Variants in RRP1B observed in about 807,000 individuals in gnomAD.
RRP1B encodes the protein ribosomal RNA processing 1B.
In RRP1B, 56 loss-of-function variants were observed where a neutral mutation model predicts 80.2. The ratio of observed to expected loss-of-function variants is 0.70; its 90% confidence interval spans 0.56 to 0.87. The LOEUF is 0.87. RRP1B is among the 40% of genes least tolerant of loss of function. The pLI is 0.00. For missense variants in RRP1B, 807 were observed against 939.8 expected, an observed-to-expected ratio of 0.86 and a Z score of 1.85; for synonymous variants, 351 against 357.6, an observed-to-expected ratio of 0.98 and a Z score of 0.21.
rs554743884 is a variant in RRP1B, at chr21:43,674,482, G to A, written c.358-154G>A. On this transcript the variant is annotated intron_variant, in intron 4 of 15. Coordinates refer to ENST00000340648, the MANE Select transcript of RRP1B (RefSeq NM_015056.3). Reference sequence around the variant, plus strand: ...ATGAATATGTTTTTTGATCTAGAAGGTAAATATGACTGTTGTGAATATTTT... The same window carrying A: ...ATGAATATGTTTTTTGATCTAGAAGATAAATATGACTGTTGTGAATATTTT... Among the ~76,000 whole-genome samples, 21 of 151,486 alleles carry A rather than the reference G, an allele frequency of 1.4e-4. 1 individual carries two copies. In the South Asian group the frequency reaches 4.4e-3, roughly 32 times the overall value.
chr21:43,663,497 C>T (rs756799046), intron 1 of RRP1B, among the ~76,000 whole-genome samples: 20 of 151,280 alleles, frequency 1.3e-4, no homozygotes, highest in East Asian at 2.0e-4. Flanking sequence ...CCTCATGATC[C>T]GCCCGCCTAG....
rs1209060678 is a variant in RRP1B, at chr21:43,693,224, TC to T, written c.2121del (p.Thr708ArgfsTer19). ...KKTDKSILVS[P>X]TGPSRVAFDP... ...AGACAGACAAGAGTATCTTGGTCAG[TC>T]CCACGGGCCCTTCTCGAGTGGCCTT... On this transcript the variant is annotated frameshift_variant, in exon 16 of 16. Coordinates refer to ENST00000340648, the MANE Select transcript of RRP1B (RefSeq NM_015056.3). LOFTEE classifies it high-confidence loss of function. The surrounding 1 kb of genome is among the most constrained non-coding windows in gnomAD (Gnocchi z 4.1). 9.9e-6 allele frequency: 16 copies of T among 1,613,918 alleles called. No individual in the cohort carries two copies. Among genetic ancestry groups the T allele is most frequent in the Non-Finnish European group, 1.4e-5 (16 of 1,180,026 alleles).
intron 11 of RRP1B, 93 bp from the exon 12 acceptor site, chr21:43,686,711 G>T: frequency 7.0e-7 from 1 of 1,432,322 alleles, no homozygotes; most frequent in South Asian, 1.2e-5. Context: ...CGATGATGAT[G>T]AGGCAGAAAT....
intron 1 of RRP1B, among the ~76,000 whole-genome samples, chr21:43,660,004 A>G (rs1017741101): frequency 3.3e-5 from 5 of 152,220 alleles, no homozygotes; most frequent in African/African-American, 1.2e-4. Context: ...TCCGTTACTT[A>G]TGAAAGTCAC....
chr21:43,665,060 T>G (rs1374648571), intron 1 of RRP1B, among the ~76,000 whole-genome samples: 1 of 152,330 alleles, frequency 6.6e-6, no homozygotes, highest in Admixed American at 6.5e-5. Flanking sequence ...TGTCACTCCG[T>G]CAGAATCTAC....
Position 43,659,734 on chromosome 21 carries a change from C to G in RRP1B, c.70C>G (p.Arg24Gly), listed in dbSNP as rs1272132782. ...GCTGGCGTCCAGCGAGAAGGGCATCCGGGACCGAGCGGTGAAGAAGCTGCG... is the reference window on the plus strand; with the variant it reads ...GCTGGCGTCCAGCGAGAAGGGCATCGGGGACCGAGCGGTGAAGAAGCTGCG... ...QRLASSEKGI[R>G]DRAVKKLRQY... The change falls in exon 1 of 16, where the codon CGG becomes GGG. Residue 24 changes from arginine (R) to glycine (G), a missense_variant. Coordinates refer to ENST00000340648, the MANE Select transcript of RRP1B (RefSeq NM_015056.3). The surrounding 1 kb of genome is among the most constrained non-coding windows in gnomAD (Gnocchi z 4.2). 1 of 1,532,648 alleles carries G rather than the reference C, an allele frequency of 6.5e-7. No homozygotes were observed. The highest frequency in any genetic ancestry group is 8.8e-7 in the Non-Finnish European group (1 of 1,138,412). 94.9% of individuals were successfully genotyped at this position (1,532,648 alleles called of 1,614,324 possible).
rs2083010211 is a variant in RRP1B, at chr21:43,673,906, A to G, written c.308A>G (p.Asn103Ser). 1 of 1,613,646 alleles carries G rather than the reference A, an allele frequency of 6.2e-7. No homozygotes were observed. The highest frequency in any genetic ancestry group is 8.5e-7 in the Non-Finnish European group (1 of 1,179,814). The change falls in exon 4 of 16, where the codon AAT becomes AGT. Residue 103 changes from asparagine to serine, a missense_variant. Coordinates refer to ENST00000340648, the MANE Select transcript of RRP1B (RefSeq NM_015056.3). Reference protein sequence around the residue: ...LFIQTFWQTMNREWKGIDRLR... With the variant: ...LFIQTFWQTMSREWKGIDRLR... ...ATTCAGACCTTTTGGCAAACCATGAATCGAGAATGGAAAGGAATAGACAGG... is the reference window on the plus strand; with the variant it reads ...ATTCAGACCTTTTGGCAAACCATGAGTCGAGAATGGAAAGGAATAGACAGG...
Position 43,659,790 on chromosome 21 carries a change from G to A in RRP1B, c.126G>A (p.Glu42=). 1 of 1,505,406 alleles carries A rather than the reference G, an allele frequency of 6.6e-7. No homozygotes were observed. The highest frequency in any genetic ancestry group is 1.4e-5 in the African/African-American group (1 of 69,736). The allele number at this position is 1,505,406 out of a possible 1,614,324, so 93.3% of individuals were successfully genotyped here. ...RQYISVKTQR[E]TGGFSQEELL... is the part of the protein sequence containing the mutation. Reference sequence around the variant, plus strand: ...ACATCAGCGTGAAGACGCAGAGGGAGACAGGTGGGCGCACGGCCGCGGTCA... The same window carrying A: ...ACATCAGCGTGAAGACGCAGAGGGAAACAGGTGGGCGCACGGCCGCGGTCA... The change falls in exon 1 of 16, where the codon GAG becomes GAA. Residue 42 remains glutamate (E), a synonymous_variant. Transcript: ENST00000340648. The surrounding 1 kb of genome is among the most constrained non-coding windows in gnomAD (Gnocchi z 4.2).
At chr21:43,665,299 T>G (rs1320534541) in intron 1 of RRP1B, among the ~76,000 whole-genome samples, 1 of 152,258 alleles carries the variant, frequency 6.6e-6, no homozygotes, top group African/African-American at 2.4e-5. Context: ...TGTGCTTTTC[T>G]GCACTACCTG....
At chr21:43,690,516 C>G in intron 14 of RRP1B, 76 bp downstream of exon 14, 6 of 1,518,182 alleles carry the variant, frequency 4.0e-6, no homozygotes, top group Non-Finnish European at 5.4e-6. Context: ...CAGTGCTTCC[C>G]ATGCCGGGCC....
intron 2 of RRP1B, among the ~76,000 whole-genome samples, chr21:43,670,426 C>T (rs1449609758): frequency 6.6e-6 from 1 of 152,252 alleles, no homozygotes; most frequent in Non-Finnish European, 1.5e-5. Context: ...TGCGCCTGCG[C>T]AGTCACCCAA....
Position 43,684,666 on chromosome 21 carries a change from G to T in RRP1B, c.989+16G>T. ...TCATCAAGAAGTCAGTAACTGGGGA[G>T]AGGGTTCTGACATCATCATTCCTTT... On this transcript the variant is annotated intron_variant, in intron 10 of 15. Coordinates refer to ENST00000340648, the MANE Select transcript of RRP1B (RefSeq NM_015056.3). 6.3e-7 allele frequency: 1 copy of T among 1,594,826 alleles called. No homozygotes were observed. The highest frequency in any genetic ancestry group is 8.6e-7 in the Non-Finnish European group (1 of 1,162,372).
chr21:43,695,036 C>T lies in RRP1B; in HGVS notation c.*1653C>T, dbSNP rs966541852. The T allele has an allele frequency of 3.2e-4, 49 of 151,570 alleles. 1 individual carries two copies. Among genetic ancestry groups the T allele is most frequent in the African/African-American group, 1.1e-3 (44 of 41,162 alleles). The allele number at this position is 151,570 out of a possible 1,614,324, so 9.4% of individuals were successfully genotyped here. On this transcript the variant is annotated 3_prime_UTR_variant, in exon 16 of 16. Transcript: ENST00000340648. Reference sequence around the variant, plus strand: ...AAAGTAATGAACTTGTGCTGTTAATCGTCACTGTAATGAGAAGTCTTACGT... The same window carrying T: ...AAAGTAATGAACTTGTGCTGTTAATTGTCACTGTAATGAGAAGTCTTACGT...
intron 1 of RRP1B, among the ~76,000 whole-genome samples, chr21:43,667,930 G>A (rs111290090): frequency 0.084 from 12,855 of 152,204 alleles, 1,817 homozygotes; most frequent in African/African-American, 0.29. Context: ...AATGCAGGCC[G>A]GGTGTGGTGG....
In RRP1B at chr21:43,669,904, C is replaced by T. The variant is rs1443162787; in HGVS notation, c.151C>T (p.Leu51Phe). 1 of 1,612,530 alleles carries T rather than the reference C, an allele frequency of 6.2e-7. No homozygotes were observed. Among genetic ancestry groups the T allele is most frequent in the Non-Finnish European group, 8.5e-7 (1 of 1,178,864 alleles). Reference protein sequence around the residue: ...RETGGFSQEELLKIWKGLFYC... With the variant: ...RETGGFSQEEFLKIWKGLFYC... Reference sequence around the variant, plus strand: ...TCCAGGAGGTTTCAGTCAGGAAGAACTTCTGAAAATCTGGAAGGGGCTCTT... The same window carrying T: ...TCCAGGAGGTTTCAGTCAGGAAGAATTTCTGAAAATCTGGAAGGGGCTCTT... Residue 51 changes from leucine (L) to phenylalanine (F), a missense_variant, in exon 2 of 16, where the codon CTT becomes TTT. Leu to Phe is a conservative substitution (Grantham distance 22, BLOSUM62 0). Coordinates refer to ENST00000340648, the MANE Select transcript of RRP1B (RefSeq NM_015056.3).
rs184775389 is a variant in RRP1B, at chr21:43,691,878, C to T, written c.2083+376C>T. Among the ~76,000 whole-genome samples the T allele has an allele frequency of 3.0e-3, 456 of 152,206 alleles. 2 individuals carry two copies. Among genetic ancestry groups the T allele is most frequent in the Non-Finnish European group, 4.5e-3 (306 of 68,016 alleles). On this transcript the variant is annotated intron_variant, in intron 15 of 15. Coordinates refer to ENST00000340648, the MANE Select transcript of RRP1B (RefSeq NM_015056.3). The surrounding 1 kb of genome is among the most constrained non-coding windows in gnomAD (Gnocchi z 4.2). Reference sequence around the variant, plus strand: ...GCCAGGCTGGTCTCAAACTCCTGACCTCAGGTGATCTGCCTGCCTCGGCCT... The same window carrying T: ...GCCAGGCTGGTCTCAAACTCCTGACTTCAGGTGATCTGCCTGCCTCGGCCT...
At chr21:43,687,062 A>G (rs557089238) in intron 12 of RRP1B, 127 bp downstream of exon 12, 1 of 1,093,430 alleles carries the variant, frequency 9.1e-7, no homozygotes, top group East Asian at 2.5e-5. Flanking sequence ...TTCAGTCTTT[A>G]ATGGCTGAGA....
At chr21:43,683,398 TA>T in intron 9 of RRP1B, 25 bp downstream of exon 9, 1 of 1,579,206 alleles carries the variant, frequency 6.3e-7, no homozygotes, top group East Asian at 2.2e-5. Context: ...TTGCTTTTTA[TA>T]GAATATAGAT....
intron 8 of RRP1B, 109 bp from the exon 9 acceptor site, chr21:43,683,170 A>G (rs985663703): frequency 2.3e-5 from 19 of 840,708 alleles, no homozygotes; most frequent in Non-Finnish European, 1.9e-5. Flanking sequence ...ACCGTGCCCA[A>G]CCTTCTTTTT....
Sources: allele counts gnomAD v4.1 joint callset (sites outside exome capture counted in the v4.1 genomes callset), GRCh38; gene constraint gnomAD v4.1.1; non-coding constraint Gnocchi (gnomAD v3.1); transcripts MANE v1.5; gene names NCBI Gene and HGNC (gene_info 2026-07-23, HGNC 2026-07-21).